The following SMAGP variants were observed in gnomAD, a reference collection of about 807,000 sequenced individuals.
SMAGP encodes small cell transmembrane and glycosylated protein.
A neutral mutation model predicts 10.1 loss-of-function variants in SMAGP; 7 were observed. The observed-to-expected ratio is 0.70, with a 90% CI of 0.40 to 1.31. The LOEUF is 1.31. Among genes scored for constraint, SMAGP ranks in the 50% most tolerant of loss-of-function variants. SMAGP has a pLI of 0.01. For synonymous variants in SMAGP, 49 were observed against 47.2 expected, an observed-to-expected ratio of 1.04 and a Z score of -0.16; for missense variants, 113 against 116.5, an observed-to-expected ratio of 0.97 and a Z score of 0.14.
intron 2 of SMAGP, among the ~76,000 whole-genome samples, chr12:51,248,428 ACACACACTCTCTCTCTCT>A (rs777380099): frequency 0.051 from 5,330 of 103,780 alleles, 100 homozygotes; most frequent in East Asian, 0.21. Flanking sequence ...ACACACACAC[ACACACACTCTCTCTCTCT>A]CTCTCTCTCT....
chr12:51,267,485 T>C (rs1592238530), intron 2 of SMAGP, among the ~76,000 whole-genome samples: 6 of 81,500 alleles, frequency 7.4e-5, no homozygotes, highest in African/African-American at 1.3e-4. Flanking sequence ...CCACTCCGTG[T>C]CCCCCTAACT....
chr12:51,268,724 C>T (rs1371822026), intron 2 of SMAGP, among the ~76,000 whole-genome samples: 1 of 152,126 alleles, frequency 6.6e-6, no homozygotes, highest in African/African-American at 2.4e-5. Context: ...GTTGGGATTA[C>T]AGGCGTGCAC....
In SMAGP at chr12:51,244,776, C is replaced by G. The variant is rs1468265280; in HGVS notation, c.*1165G>C. ...TAGAAGGGATTCTGGGAAATTCTGG[C>G]CCTTGCCAGGATGGAGGCTTGAACC... On this transcript the variant is annotated 3_prime_UTR_variant, in exon 4 of 4. Coordinates refer to ENST00000603798, the MANE Select transcript of SMAGP (RefSeq NM_001031628.2). The G allele has an allele frequency of 6.6e-6, 1 of 151,516 alleles. No homozygotes were observed. The highest frequency in any genetic ancestry group is 2.4e-5 in the African/African-American group (1 of 41,072). The allele number at this position is 151,516 out of a possible 1,614,324, so 9.4% of individuals were successfully genotyped here. A position where few individuals can be genotyped will look rare whatever the true frequency, so the allele number is the denominator to read the frequency against.
Position 51,268,586 on chromosome 12 carries a change from T to TCCTCCCTCCTC in SMAGP, c.34+658_34+659insGAGGAGGGAGG, listed in dbSNP as rs57975745. 2.2e-3 allele frequency among the ~76,000 whole-genome samples: 297 copies of TCCTCCCTCCTC among 138,112 alleles called. 3 individuals are homozygous for TCCTCCCTCCTC. The highest frequency in any genetic ancestry group is 7.5e-3 in the African/African-American group (281 of 37,312). The allele number at this position is 138,112 out of a possible 152,430, so 90.6% of individuals were successfully genotyped here. A position where few individuals can be genotyped will look rare whatever the true frequency, so the allele number is the denominator to read the frequency against. ...CCTTCCTTCCTTCCTTCCTTTCCTTTCCTCCCTCCCTTCCTATTTTTTGAG... is the reference window on the plus strand; with the variant it reads ...CCTTCCTTCCTTCCTTCCTTTCCTTTCCTCCCTCCTCCCTCCCTCCCTTCCTATTTTTTGAG... On this transcript the variant is annotated intron_variant, in intron 2 of 3. Coordinates refer to ENST00000603798, the MANE Select transcript of SMAGP (RefSeq NM_001031628.2).
At position 51,248,428 on chromosome 12, in the gene SMAGP, ACACACACTCTCTCT is replaced by A. The variant is rs1228595168; in HGVS notation, c.35-1611_35-1598del. 5.1e-3 allele frequency among the ~76,000 whole-genome samples: 536 copies of A among 104,392 alleles called. 2 individuals carry two copies. The highest frequency in any genetic ancestry group is 0.018 in the African/African-American group (438 of 24,906). The allele number at this position is 104,392 out of a possible 152,430, so 68.5% of individuals were successfully genotyped here. ...CACACACACACACACACACACACAC[ACACACACTCTCTCT>A]CTCTCTCTCTCTCTCTCTCTCTCTC... is the stretch of plus-strand genomic sequence containing the variant. On this transcript the variant is annotated intron_variant, in intron 2 of 3. Transcript: ENST00000603798.
At chr12:51,259,276 G>GT (rs1565659401) in intron 2 of SMAGP, among the ~76,000 whole-genome samples, 1 of 152,110 alleles carries the variant, frequency 6.6e-6, no homozygotes, top group Admixed American at 6.6e-5. Flanking sequence ...GGGAAGATTC[G>GT]ACAATTTTAA....
rs1344984417 is a variant in SMAGP, at chr12:51,244,741, T to A, written c.*1200A>T. On this transcript the variant is annotated 3_prime_UTR_variant, in exon 4 of 4. Coordinates refer to ENST00000603798, the MANE Select transcript of SMAGP (RefSeq NM_001031628.2). ...TAGGTTGATTTTTTCTGGTTCCTTC[T>A]GTATATATGTAGAAGGGATTCTGGG... The A allele has an allele frequency of 6.6e-6, 1 of 152,060 alleles. No homozygotes were observed. Among genetic ancestry groups the A allele is most frequent in the Non-Finnish European group, 1.5e-5 (1 of 68,030 alleles). The allele number at this position is 152,060 out of a possible 1,614,324, so 9.4% of individuals were successfully genotyped here.
In SMAGP at chr12:51,246,688, T is replaced by C. The variant is rs933502674; in HGVS notation, c.115+63A>G. On this transcript the variant is annotated intron_variant, in intron 3 of 3. Coordinates refer to ENST00000603798, the MANE Select transcript of SMAGP (RefSeq NM_001031628.2). ...AGCCCATTAATGGATTTGGTCAGGC[T>C]CCCTCTGGAGAGAGATGCCCTTGAT... is the stretch of plus-strand genomic sequence containing the variant. 9.0e-6 allele frequency: 12 copies of C among 1,330,806 alleles called. No homozygotes were observed. In the African/African-American group the frequency reaches 1.7e-4, roughly 18 times the overall value. The allele number at this position is 1,330,806 out of a possible 1,614,324, so 82.4% of individuals were successfully genotyped here. A position where few individuals can be genotyped will look rare whatever the true frequency, so the allele number is the denominator to read the frequency against.
chr12:51,257,365 A>T (rs941552037), intron 2 of SMAGP, among the ~76,000 whole-genome samples: 1 of 152,154 alleles, frequency 6.6e-6, no homozygotes, highest in South Asian at 2.1e-4. Context: ...GTTGATGGTG[A>T]GGGTGCGAGC....
intron 3 of SMAGP, 45 bp downstream of exon 3, chr12:51,246,706 C>A (rs191455226): frequency 2.1e-6 from 3 of 1,447,028 alleles, no homozygotes; most frequent in African/African-American, 1.4e-5. Flanking sequence ...GAGAGAGATG[C>A]CCTTGATCCA....
At position 51,248,900 on chromosome 12, in the gene SMAGP, CAAAAAAAAAAAAAAAAA is replaced by C. The variant is rs545881552; in HGVS notation, c.35-2086_35-2070del. 7.3e-5 allele frequency among the ~76,000 whole-genome samples: 7 copies of C among 95,626 alleles called. No homozygotes were observed. In the East Asian group the frequency reaches 1.5e-3, roughly 20 times the overall value. The allele number at this position is 95,626 out of a possible 152,430, so 62.7% of individuals were successfully genotyped here. ...AATCCTGTCTCTACCAAAAATACCA[CAAAAAAAAAAAAAAAAA>C]AAAAAAAAAAAAAATAGCCAAGTAT... On this transcript the variant is annotated intron_variant, in intron 2 of 3. Coordinates refer to ENST00000603798, the MANE Select transcript of SMAGP (RefSeq NM_001031628.2).
intron 2 of SMAGP, among the ~76,000 whole-genome samples, chr12:51,268,424 G>T (rs934678368): frequency 6.6e-6 from 1 of 152,124 alleles, no homozygotes; most frequent in Non-Finnish European, 1.5e-5. Context: ...TTTAAAAAAT[G>T]ATTTCCCTGT....
At chr12:51,264,031 G>T (rs1047776584) in intron 2 of SMAGP, among the ~76,000 whole-genome samples, 1 of 152,136 alleles carries the variant, frequency 6.6e-6, no homozygotes, top group African/African-American at 2.4e-5. Flanking sequence ...AGCCCACAAA[G>T]ACAGAAGTGC....
intron 2 of SMAGP, among the ~76,000 whole-genome samples, chr12:51,258,999 A>AC (rs970500647): frequency 1.3e-5 from 2 of 148,198 alleles, no homozygotes; most frequent in African/African-American, 5.1e-5. Flanking sequence ...AAAAAAAAAA[A>AC]AAAAAAAAAA....
chr12:51,262,770 T>C (rs976978512), intron 2 of SMAGP, among the ~76,000 whole-genome samples: 6 of 152,234 alleles, frequency 3.9e-5, no homozygotes, highest in African/African-American at 1.4e-4. Flanking sequence ...GGCTGGCTTC[T>C]TTGTGGTCCT....
At chr12:51,248,252 C>G (rs1259389129) in intron 2 of SMAGP, among the ~76,000 whole-genome samples, 1 of 152,124 alleles carries the variant, frequency 6.6e-6, no homozygotes, top group Non-Finnish European at 1.5e-5. Flanking sequence ...CCATCCTCAT[C>G]TTGCAATACA....
intron 2 of SMAGP, among the ~76,000 whole-genome samples, chr12:51,263,952 T>C (rs1944950910): frequency 6.6e-6 from 1 of 152,100 alleles, no homozygotes; most frequent in Non-Finnish European, 1.5e-5. Context: ...AATTATATTA[T>C]ATTATATTCT....
chr12:51,260,648 GAT>G (rs1447310101), intron 2 of SMAGP, among the ~76,000 whole-genome samples: 1 of 149,244 alleles, frequency 6.7e-6, no homozygotes, highest in East Asian at 2.0e-4. Context: ...AAAATGCTGG[GAT>G]TACAGGCGTG....
rs564811830 is a variant in SMAGP, at chr12:51,248,297, T to C, written c.35-1466A>G. Among the ~76,000 whole-genome samples the C allele has an allele frequency of 9.9e-5, 15 of 152,066 alleles. No individual in the cohort carries two copies. In the Middle Eastern group the frequency reaches 0.01, roughly 103 times the overall value. ...GGCAGGCTGTCCAGAGCGCTTCCTC[T>C]CCCAAGGCCAGGCCAAACCTTTCTC... On this transcript the variant is annotated intron_variant, in intron 2 of 3. Transcript: ENST00000603798.
Sources: allele counts gnomAD v4.1 joint callset (sites outside exome capture counted in the v4.1 genomes callset), GRCh38; gene constraint gnomAD v4.1.1; transcripts MANE v1.5; gene names NCBI Gene and HGNC (gene_info 2026-07-23, HGNC 2026-07-21).